ABCC5: variants seen among roughly 807,000 people sequenced by gnomAD.
The protein encoded by ABCC5 is ATP binding cassette subfamily C member 5.
Under a neutral mutation model 160.9 loss-of-function variants are expected in ABCC5, and 61 were observed. That is an observed-to-expected ratio of 0.38 (90% CI 0.31 to 0.47). The LOEUF is 0.47. ABCC5 is among the 20% of genes least tolerant of loss of function. The pLI, the probability that ABCC5 is intolerant of heterozygous loss-of-function variation, is 0.99. For missense variants in ABCC5, 1,308 were observed against 1,813.3 expected, an observed-to-expected ratio of 0.72 and a Z score of 5.06; for synonymous variants, 666 against 700.6, an observed-to-expected ratio of 0.95 and a Z score of 0.78.
At chr3:183,938,188 T>G (rs1713932271) in intron 25 of ABCC5, 128 bp from the exon 26 acceptor site, 1 of 887,478 alleles carries the variant, frequency 1.1e-6, no homozygotes, top group African/African-American at 1.7e-5. Flanking sequence ...ACTGATTAAC[T>G]GAGATAATGT....
At chr3:184,004,375 T>C (rs2108905559) in intron 2 of ABCC5, among the ~76,000 whole-genome samples, 1 of 151,994 alleles carries the variant, frequency 6.6e-6, no homozygotes, top group African/African-American at 2.4e-5. Flanking sequence ...CCAGGCATGG[T>C]GGTGCACACC....
chr3:183,956,920 G>A (rs1356361171), intron 17 of ABCC5, among the ~76,000 whole-genome samples: 2 of 140,346 alleles, frequency 1.4e-5, no homozygotes, highest in African/African-American at 2.7e-5. Context: ...ATGCAGATCC[G>A]TGTGTAAATC....
rs73181556 is a variant in ABCC5, at chr3:184,016,196, G to A, written c.-56+1634C>T. Among the ~76,000 whole-genome samples the A allele has an allele frequency of 4.2e-3, 639 of 152,304 alleles. 4 individuals are homozygous for A. Among genetic ancestry groups the A allele is most frequent in the Non-Finnish European group, 7.2e-3 (489 of 68,022 alleles). On this transcript the variant is annotated intron_variant, in intron 1 of 29. Coordinates refer to ENST00000334444, the MANE Select transcript of ABCC5 (RefSeq NM_005688.4). ...ACTTCCCTGTTATGACACAAATAAT[G>A]ACTGTTTTGTGCCTACAGTGACTGC...
At chr3:183,935,083 G>A (rs1241954052) in intron 26 of ABCC5, among the ~76,000 whole-genome samples, 1 of 148,282 alleles carries the variant, frequency 6.7e-6, no homozygotes, top group African/African-American at 2.5e-5. Context: ...TTTATGGGAA[G>A]AGCCAGGCTG....
intron 2 of ABCC5, among the ~76,000 whole-genome samples, 186 bp from the exon 3 acceptor site, chr3:183,989,569 A>G (rs73884816): frequency 0.081 from 12,100 of 149,322 alleles, 1,631 homozygotes; most frequent in African/African-American, 0.28. Context: ...TAAGCTAGAT[A>G]TTTAAAAATT....
At chr3:183,978,176 A>G (rs1343225097) in intron 9 of ABCC5, among the ~76,000 whole-genome samples, 1 of 152,200 alleles carries the variant, frequency 6.6e-6, no homozygotes, top group African/African-American at 2.4e-5. Flanking sequence ...CAACTCATAC[A>G]CTATTTGTGC....
At position 183,950,064 on chromosome 3, in the gene ABCC5, G is replaced by A; in HGVS notation, c.3006C>T (p.Phe1002=). ...AGACTCCTGCGATCATTCCCACACA[G>A]AAGAACACCAGGATAACGTTCTGGA... ...MFIQNVILVF[F]CVGMIAGVFP... is the part of the protein sequence containing the mutation. The change falls in exon 21 of 30, where the codon TTC becomes TTT. Residue 1002 remains phenylalanine (F), a synonymous_variant. Coordinates refer to ENST00000334444, the MANE Select transcript of ABCC5 (RefSeq NM_005688.4). 6.2e-7 allele frequency: 1 copy of A among 1,614,104 alleles called. No homozygotes were observed.
intron 2 of ABCC5, 86 bp downstream of exon 2, chr3:184,014,178 A>G (rs1271614911): frequency 7.2e-7 from 1 of 1,380,798 alleles, no homozygotes; most frequent in African/African-American, 1.5e-5. Context: ...CGGCCAAAAA[A>G]TAAGTTTCTA....
chr3:183,985,627 T>TATATACCTATACA, intron 5 of ABCC5: 1 of 557,428 alleles, frequency 1.8e-6, no homozygotes, highest in Non-Finnish European at 3.3e-6. Context: ...TATACACAGA[T>TATATACCTATACA]CATAGGTGAG....
chr3:183,952,093 G>T, intron 18 of ABCC5, 90 bp from the exon 19 acceptor site: 1 of 1,456,384 alleles, frequency 6.9e-7, no homozygotes, highest in Non-Finnish European at 9.3e-7. Flanking sequence ...GGGCAGGGCA[G>T]GGTACAGGAT....
At chr3:183,959,944 A>G in intron 16 of ABCC5, 109 bp from the exon 17 acceptor site, 3 of 728,430 alleles carry the variant, frequency 4.1e-6, no homozygotes, top group Middle Eastern at 8.0e-4. Flanking sequence ...CTGAAAAAAG[A>G]TACATCCAAC....
chr3:183,956,551 C>T (rs187841293), intron 17 of ABCC5, among the ~76,000 whole-genome samples: 1 of 147,002 alleles, frequency 6.8e-6, no homozygotes, highest in Non-Finnish European at 1.5e-5. Context: ...TATATCACAT[C>T]GGTTACATGC....
At chr3:183,972,453 C>A (rs1379924617) in intron 10 of ABCC5, among the ~76,000 whole-genome samples, 1 of 152,178 alleles carries the variant, frequency 6.6e-6, no homozygotes, top group Non-Finnish European at 1.5e-5. Context: ...GTTTCATCTA[C>A]CGCAGAGAAC....
chr3:184,007,304 G>A (rs967940925), intron 2 of ABCC5, among the ~76,000 whole-genome samples: 7 of 151,730 alleles, frequency 4.6e-5, no homozygotes, highest in African/African-American at 1.7e-4. Context: ...ACAGGCGTGA[G>A]CCACCACGCC....
intron 2 of ABCC5, among the ~76,000 whole-genome samples, chr3:183,997,025 C>T (rs1299002486): frequency 6.6e-6 from 1 of 152,148 alleles, no homozygotes; most frequent in East Asian, 1.9e-4. Flanking sequence ...TTTGCACCTA[C>T]CTCCTTCAGA....
Position 183,978,496 on chromosome 3 carries a change from C to T in ABCC5, c.1296+7G>A. On this transcript the variant is annotated splice_region_variant and intron_variant, in intron 9 of 29. Coordinates refer to ENST00000334444, the MANE Select transcript of ABCC5 (RefSeq NM_005688.4). ...AAAATGTTCCCCATCCCTGAGGGTT[C>T]CCTGACCTGTGCTGCTGTCAGATCG... is the stretch of plus-strand genomic sequence containing the variant. 1 of 1,611,286 alleles carries T rather than the reference C, an allele frequency of 6.2e-7. No homozygotes were observed. The highest frequency in any genetic ancestry group is 1.3e-5 in the African/African-American group (1 of 74,864).
chr3:183,972,758 C>T (rs138218953), intron 10 of ABCC5, among the ~76,000 whole-genome samples: 36 of 152,258 alleles, frequency 2.4e-4, no homozygotes, highest in African/African-American at 8.2e-4. Flanking sequence ...GATTCTGATG[C>T]CTCAGCCTCC....
At chr3:183,938,170 T>C in intron 25 of ABCC5, 110 bp from the exon 26 acceptor site, 1 of 1,034,090 alleles carries the variant, frequency 9.7e-7, no homozygotes, top group Admixed American at 2.4e-5. Flanking sequence ...TATTCAGTTG[T>C]TATTTCAACT....
At chr3:183,966,873 C>T (rs992678015) in intron 12 of ABCC5, among the ~76,000 whole-genome samples, 12 of 152,126 alleles carry the variant, frequency 7.9e-5, no homozygotes, top group African/African-American at 2.7e-4. Context: ...ACAAAAGCAC[C>T]CCTGCTCCCC....
Sources: allele counts gnomAD v4.1 joint callset (sites outside exome capture counted in the v4.1 genomes callset), GRCh38; gene constraint gnomAD v4.1.1; transcripts MANE v1.5; gene names NCBI Gene and HGNC (gene_info 2026-07-23, HGNC 2026-07-21).